Variants in PLAGL1 observed in about 807,000 individuals in gnomAD.
PLAGL1 encodes PLAG1 like zinc finger 1.
Under a neutral mutation model 4.6 loss-of-function variants are expected in PLAGL1, and 1 was observed. The observed-to-expected ratio is 0.22, with a 90% CI of 0.08 to 1.03. The LOEUF is 1.03. Ranked by LOEUF, PLAGL1 falls within the 50% of genes least tolerant of loss-of-function variation. The pLI is 0.58. For synonymous variants in PLAGL1, 240 were observed against 237.8 expected, an observed-to-expected ratio of 1.01 and a Z score of -0.08; for missense variants, 464 against 570.4, an observed-to-expected ratio of 0.81 and a Z score of 1.90.
Position 143,948,490 on chromosome 6 carries a change from C to T in PLAGL1, c.-324-30G>A, listed in dbSNP as rs1265315511. The T allele has an allele frequency of 9.7e-6, 2 of 206,162 alleles. No homozygotes were observed. Among genetic ancestry groups the T allele is most frequent in the East Asian group, 2.3e-4 (2 of 8,734 alleles). The allele number at this position is 206,162 out of a possible 1,614,324, so 12.8% of individuals were successfully genotyped here. ...GGAGAGAAGAGGAACAGTTTTCTTGCATTAGCCATTTGAAAACAATGCTTT... is the reference window on the plus strand; with the variant it reads ...GGAGAGAAGAGGAACAGTTTTCTTGTATTAGCCATTTGAAAACAATGCTTT... On this transcript the variant is annotated intron_variant, in intron 6 of 7. Coordinates refer to ENST00000674357, the MANE Select transcript of PLAGL1 (RefSeq NM_001317162.2). This position sits in a 1 kb window ranked among gnomAD's most constrained non-coding sequence, Gnocchi z 6.0.
Position 143,968,006 on chromosome 6 carries a change from A to AAAC in PLAGL1, c.-472+900_-472+901insGTT, listed in dbSNP as rs986763935. The AAAC allele has an allele frequency of 2.6e-5, 4 of 151,164 alleles. No individual in the cohort carries two copies. Among genetic ancestry groups the AAAC allele is most frequent in the African/African-American group, 9.7e-5 (4 of 41,106 alleles). 9.4% of individuals were successfully genotyped at this position (151,164 alleles called of 1,614,324 possible). A position where few individuals can be genotyped will look rare whatever the true frequency, so the allele number is the denominator to read the frequency against. On this transcript the variant is annotated intron_variant, in intron 3 of 7. Transcript: ENST00000674357. This position sits in a 1 kb window ranked among gnomAD's most constrained non-coding sequence, Gnocchi z 6.3. The stretch of plus-strand genomic sequence containing the variant: ...CATCAAGGACATTTTGCAAAAAAAA[A>AAAC]AAAAAAAAAAAACAGTCTGGAGAGA...
At chr6:144,025,339 G>A (rs1796258054) in intron 1 of PLAGL1, among the ~76,000 whole-genome samples, 1 of 152,186 alleles carries the variant, frequency 6.6e-6, no homozygotes, top group Non-Finnish European at 1.5e-5. Context: ...AGGAGACTTT[G>A]TGACTAAATG....
rs1019588417 is a variant in PLAGL1 at position 144,034,985 on chromosome 6, A to G, written c.-151+29483T>C. Among the ~76,000 whole-genome samples the G allele has an allele frequency of 1.3e-5, 2 of 152,210 alleles. No individual in the cohort carries two copies. The highest frequency in any genetic ancestry group is 1.5e-5 in the Non-Finnish European group (1 of 68,038). On this transcript the variant is annotated intron_variant, in intron 1 of 3. Coordinates refer to the PLAGL1 transcript ENST00000437412. The surrounding 1 kb of genome is among the most constrained non-coding windows in gnomAD (Gnocchi z 4.7). Reference sequence around the variant, plus strand: ...AAATTGATGGATGGGTATGTAATACATTGAGAACAGTTAAATGTTAATGAT... The same window carrying G: ...AAATTGATGGATGGGTATGTAATACGTTGAGAACAGTTAAATGTTAATGAT...
At position 143,954,562 on chromosome 6, in the gene PLAGL1, A is replaced by G. The variant is rs1781734345; in HGVS notation, c.-325+5907T>C. ...CAGCTAATATAATCCAGAGACTAAC[A>G]TTCATTGACTAAATGGTTAAAATAT... On this transcript the variant is annotated intron_variant, in intron 6 of 7. Transcript: ENST00000674357. This position sits in a 1 kb window ranked among gnomAD's most constrained non-coding sequence, Gnocchi z 5.1. Among the ~76,000 whole-genome samples, 1 of 152,222 alleles carries G rather than the reference A, an allele frequency of 6.6e-6. No homozygotes were observed.
In PLAGL1 at chr6:143,975,979, C is replaced by T. The variant is rs78292789; in HGVS notation, c.-543-7001G>A. Among the ~76,000 whole-genome samples, 4,701 of 152,256 alleles carry T rather than the reference C, an allele frequency of 0.031. 254 individuals carry two copies. Among genetic ancestry groups the T allele is most frequent in the African/African-American group, 0.11 (4,466 of 41,530 alleles). On this transcript the variant is annotated intron_variant, in intron 2 of 7. Coordinates refer to ENST00000674357, the MANE Select transcript of PLAGL1 (RefSeq NM_001317162.2). The surrounding 1 kb of genome is among the most constrained non-coding windows in gnomAD (Gnocchi z 5.8). ...CAAAGAACTAACACATATCTTACTT[C>T]GTTGACCCTCACATTACTAAGAGAA...
chr6:144,003,519 G>C (rs559017951), intron 1 of PLAGL1, among the ~76,000 whole-genome samples: 2 of 151,998 alleles, frequency 1.3e-5, no homozygotes, highest in African/African-American at 4.8e-5. Flanking sequence ...AGCTACTCGG[G>C]AGGCTGAGGC....
intron 1 of PLAGL1, among the ~76,000 whole-genome samples, chr6:144,023,270 ATT>A (rs1022581734): frequency 6.6e-6 from 1 of 151,536 alleles, no homozygotes; most frequent in Non-Finnish European, 1.5e-5. Context: ...GGATTTGGGG[ATT>A]TTTTTTTAGG....
chr6:143,951,361 T>C (rs1716310625), intron 6 of PLAGL1, among the ~76,000 whole-genome samples: 1 of 152,216 alleles, frequency 6.6e-6, no homozygotes, highest in African/African-American at 2.4e-5. Context: ...ATTCTCTCCC[T>C]ATGGATACTA....
Position 143,965,775 on chromosome 6 carries a change from T to C in PLAGL1, c.-431+383A>G, listed in dbSNP as rs1464643448. 1.3e-5 allele frequency: 2 copies of C among 152,154 alleles called. No homozygotes were observed. Among genetic ancestry groups the C allele is most frequent in the African/African-American group, 4.8e-5 (2 of 41,424 alleles). The allele number at this position is 152,154 out of a possible 1,614,324, so 9.4% of individuals were successfully genotyped here. A position where few individuals can be genotyped will look rare whatever the true frequency, so the allele number is the denominator to read the frequency against. ...AGCCTTGGTTGGCACATGCTTCCCT[T>C]GTCACACCAGACAGGTGAGACCAAG... On this transcript the variant is annotated intron_variant, in intron 4 of 7. Transcript: ENST00000674357. This position sits in a 1 kb window ranked among gnomAD's most constrained non-coding sequence, Gnocchi z 7.5.
chr6:144,010,452 G>A (rs572342582), upstream of PLAGL1, among the ~76,000 whole-genome samples: 197 of 152,270 alleles, frequency 1.3e-3, 2 homozygotes, highest in African/African-American at 4.5e-3. The surrounding 1 kb of genome is among the most constrained non-coding windows in gnomAD (Gnocchi z 4.1). Context: ...GGAAATCAGA[G>A]AGGACACAAA....
rs535391295 is a variant in PLAGL1, at chr6:143,998,678, T to C, written c.-584+9412A>G. Among the ~76,000 whole-genome samples the C allele has an allele frequency of 2.0e-5, 3 of 152,252 alleles. No homozygotes were observed. The South Asian group carries it at 6.2e-4, about 32-fold the overall frequency. On this transcript the variant is annotated intron_variant, in intron 1 of 7. Coordinates refer to ENST00000674357, the MANE Select transcript of PLAGL1 (RefSeq NM_001317162.2). ...AAAGGTAAGAATTTAACAAGGGCTA[T>C]AGATTATAAATTATAGGGTTTCTAT...
In PLAGL1 at chr6:143,962,545, A is replaced by C. The variant is rs1436348820; in HGVS notation, c.-398-2003T>G. ...AGTTTGTTTATTCGTTGATGACAAA[A>C]ACCAAAGTTTCATAGAGTGTATGAG... On this transcript the variant is annotated intron_variant, in intron 5 of 7. Coordinates refer to ENST00000674357, the MANE Select transcript of PLAGL1 (RefSeq NM_001317162.2). The surrounding 1 kb of genome is among the most constrained non-coding windows in gnomAD (Gnocchi z 5.3). 6.6e-6 allele frequency among the ~76,000 whole-genome samples: 1 copy of C among 152,202 alleles called. No individual in the cohort carries two copies. The highest frequency in any genetic ancestry group is 1.5e-5 in the Non-Finnish European group (1 of 68,036).
rs1049672907 is a variant in PLAGL1 at position 143,971,822 on chromosome 6, C to T, written c.-543-2844G>A. ...CCTTATCCATCTCAATCACTAAATT[C>T]GGTCAAGTAAAAGTCTACAAAATTC... is the stretch of plus-strand genomic sequence containing the variant. On this transcript the variant is annotated intron_variant, in intron 2 of 7. Transcript: ENST00000674357. The surrounding 1 kb of genome is among the most constrained non-coding windows in gnomAD (Gnocchi z 4.7). Among the ~76,000 whole-genome samples the T allele has an allele frequency of 3.9e-5, 6 of 152,174 alleles. No individual in the cohort carries two copies. The highest frequency in any genetic ancestry group is 1.9e-4 in the East Asian group (1 of 5,202).
intron 1 of PLAGL1, among the ~76,000 whole-genome samples, chr6:144,045,064 A>T: frequency 1.0e-5 from 1 of 98,292 alleles, no homozygotes; most frequent in Middle Eastern, 0.011. Flanking sequence ...CTTTATTTTG[A>T]GCCTATGTGT....
chr6:144,039,092 A>G lies in PLAGL1; in HGVS notation c.-151+25376T>C, dbSNP rs765818255. Among the ~76,000 whole-genome samples the G allele has an allele frequency of 6.6e-6, 1 of 152,246 alleles. No homozygotes were observed. Among genetic ancestry groups the G allele is most frequent in the African/African-American group, 2.4e-5 (1 of 41,464 alleles). On this transcript the variant is annotated intron_variant, in intron 1 of 3. Coordinates refer to the PLAGL1 transcript ENST00000437412. The surrounding 1 kb of genome is among the most constrained non-coding windows in gnomAD (Gnocchi z 4.1). ...TAGGGGAAAGACATAAAGTAAAAAC[A>G]CAAGCCACAAATTTGGGAGATAGGT...
At chr6:143,988,016 C>T (rs1441671092) in intron 1 of PLAGL1, among the ~76,000 whole-genome samples, 1 of 152,202 alleles carries the variant, frequency 6.6e-6, no homozygotes, top group East Asian at 1.9e-4. Flanking sequence ...ACCTTTCTAT[C>T]TTGTCTGCCA....
intron 2 of PLAGL1, among the ~76,000 whole-genome samples, chr6:143,981,547 G>T (rs1787954618): frequency 6.6e-6 from 1 of 152,040 alleles, no homozygotes; most frequent in African/African-American, 2.4e-5. Flanking sequence ...TTCCTGCACT[G>T]CAGCCTGGGG....
rs1300436856 is a variant in PLAGL1, at chr6:143,989,711, T to C, written c.-583-4537A>G. Among the ~76,000 whole-genome samples, 1 of 152,204 alleles carries C rather than the reference T, an allele frequency of 6.6e-6. No individual in the cohort carries two copies. The highest frequency in any genetic ancestry group is 1.9e-4 in the East Asian group (1 of 5,194). On this transcript the variant is annotated intron_variant, in intron 1 of 7. Transcript: ENST00000674357. This position sits in a 1 kb window ranked among gnomAD's most constrained non-coding sequence, Gnocchi z 4.8. ...CAATCTCTCTTTCTCTCTCCATATATGTATCCATGGGTAAACATACATACA... is the reference window on the plus strand; with the variant it reads ...CAATCTCTCTTTCTCTCTCCATATACGTATCCATGGGTAAACATACATACA...
At position 144,030,281 on chromosome 6, in the gene PLAGL1, A is replaced by AG. The variant is rs1554278264; in HGVS notation, c.-151+34186_-151+34187insC. Among the ~76,000 whole-genome samples, 597 of 132,890 alleles carry AG rather than the reference A, an allele frequency of 4.5e-3. 26 individuals carry two copies. Among genetic ancestry groups the AG allele is most frequent in the Non-Finnish European group, 6.8e-3 (441 of 64,646 alleles). 87.2% of individuals were successfully genotyped at this position (132,890 alleles called of 152,430 possible). On this transcript the variant is annotated intron_variant, in intron 1 of 3. Coordinates refer to the PLAGL1 transcript ENST00000437412. ...AAAAAAAAAAAAAAAAAAAAAAAAA[A>AG]AAGAAGATGTAAATTTTAATACAAT...
Sources: gnomAD v4.1 joint callset for allele counts (sites outside exome capture counted in the v4.1 genomes callset) on GRCh38, gnomAD v4.1.1 for gene constraint, Gnocchi (gnomAD v3.1) non-coding constraint, MANE v1.5 for transcripts, NCBI Gene and HGNC (gene_info 2026-07-23, HGNC 2026-07-21) for gene names.